Variants in PITPNC1 observed in about 807,000 individuals in gnomAD.
The protein encoded by PITPNC1 is phosphatidylinositol transfer protein cytoplasmic 1.
Under a neutral mutation model 44.7 loss-of-function variants are expected in PITPNC1, and 18 were observed. The observed-to-expected ratio is 0.40, with a 90% CI of 0.28 to 0.60. The LOEUF is 0.60. Ranked by LOEUF, PITPNC1 falls within the 20% of genes least tolerant of loss-of-function variation. PITPNC1 has a pLI of 0.39. For missense variants in PITPNC1, 290 were observed against 418.4 expected, an observed-to-expected ratio of 0.69 and a Z score of 2.68; for synonymous variants, 141 against 149.6, an observed-to-expected ratio of 0.94 and a Z score of 0.42.
intron 5 of PITPNC1, among the ~76,000 whole-genome samples, chr17:67,578,751 G>A (rs2041185382): frequency 6.6e-6 from 1 of 152,388 alleles, no homozygotes; most frequent in South Asian, 2.1e-4. Context: ...GGAGGCTGAG[G>A]CAGGCACATC....
rs2037901819 is a variant in PITPNC1, at chr17:67,378,284, G to A, written c.48+82G>A. 6.5e-6 allele frequency: 6 copies of A among 929,498 alleles called. No individual in the cohort carries two copies. The South Asian group carries it at 1.0e-4, about 16-fold the overall frequency. 57.6% of individuals were successfully genotyped at this position (929,498 alleles called of 1,614,324 possible). On this transcript the variant is annotated intron_variant, in intron 1 of 8. Transcript: ENST00000581322. ...GCCTCCTGGCCGGCGAGCCCCGGGC[G>A]AGCGGCAGGAAACCCAGGTGGACGT...
At chr17:67,665,395 T>C (rs1182178248) in intron 6 of PITPNC1, among the ~76,000 whole-genome samples, 1 of 152,114 alleles carries the variant, frequency 6.6e-6, no homozygotes, top group Admixed American at 6.6e-5. Context: ...ACCCAGCCCA[T>C]GTACATGTTT....
At chr17:67,531,349 G>A (rs1395975604) in intron 1 of PITPNC1, among the ~76,000 whole-genome samples, 1 of 152,220 alleles carries the variant, frequency 6.6e-6, no homozygotes, top group Non-Finnish European at 1.5e-5. Context: ...ACACACACAG[G>A]TACGTGCACA....
intron 4 of PITPNC1, among the ~76,000 whole-genome samples, chr17:67,560,619 G>A (rs978706210): frequency 6.6e-6 from 1 of 152,160 alleles, no homozygotes; most frequent in African/African-American, 2.4e-5. Context: ...CCCTTGTGTG[G>A]GACCAGAGCT....
chr17:67,696,644 G>A lies in PITPNC1; in HGVS notation c.*3756G>A, dbSNP rs1380334350. The stretch of plus-strand genomic sequence containing the variant: ...ACTATTTTAACTATTCATTCTTGCT[G>A]AAACTGAAGTGTACACAATAGCACA... On this transcript the variant is annotated 3_prime_UTR_variant, in exon 9 of 9. Transcript: ENST00000581322. 6.6e-6 allele frequency: 1 copy of A among 152,186 alleles called. No individual in the cohort carries two copies. The highest frequency in any genetic ancestry group is 1.5e-5 in the Non-Finnish European group (1 of 68,028). 9.4% of individuals were successfully genotyped at this position (152,186 alleles called of 1,614,324 possible).
chr17:67,517,849 C>T (rs895561484), intron 1 of PITPNC1, among the ~76,000 whole-genome samples: 3 of 151,978 alleles, frequency 2.0e-5, no homozygotes, highest in Non-Finnish European at 4.4e-5. Context: ...CACAACCTTG[C>T]AAATATACTA....
intron 1 of PITPNC1, among the ~76,000 whole-genome samples, chr17:67,444,387 A>C (rs1598670573): frequency 6.6e-6 from 1 of 152,052 alleles, no homozygotes; most frequent in Non-Finnish European, 1.5e-5. Context: ...TGTGTCCAAC[A>C]TGTGGTGAGC....
chr17:67,510,723 C>G (rs369586204), intron 1 of PITPNC1, among the ~76,000 whole-genome samples: 20 of 152,210 alleles, frequency 1.3e-4, no homozygotes, highest in African/African-American at 4.8e-4. Flanking sequence ...CTCAGCCTCC[C>G]TAGTAGCTGG....
chr17:67,652,429 G>A (rs1399502958), intron 6 of PITPNC1, among the ~76,000 whole-genome samples: 5 of 152,122 alleles, frequency 3.3e-5, no homozygotes, highest in African/African-American at 9.7e-5. Context: ...TAGAGTGGAC[G>A]CCTTCTAAAG....
rs546067748 is a variant in PITPNC1, at chr17:67,548,285, C to G, written c.198-3972C>G. Among the ~76,000 whole-genome samples the G allele has an allele frequency of 6.6e-5, 10 of 152,276 alleles. No individual in the cohort carries two copies. The South Asian group carries it at 2.1e-3, about 32-fold the overall frequency. On this transcript the variant is annotated intron_variant, in intron 2 of 8. Coordinates refer to ENST00000581322, the MANE Select transcript of PITPNC1 (RefSeq NM_012417.4). The stretch of plus-strand genomic sequence containing the variant: ...TGTCATTGATATGTTCTATTTTATA[C>G]CAACGTTTAAAAGTAAGAACCCGGG...
rs1319741550 is a variant in PITPNC1, at chr17:67,695,628, A to C, written c.*2740A>C. 1.4e-5 allele frequency: 2 copies of C among 145,490 alleles called. No individual in the cohort carries two copies. Among genetic ancestry groups the C allele is most frequent in the Non-Finnish European group, 3.0e-5 (2 of 66,332 alleles). The allele number at this position is 145,490 out of a possible 1,614,324, so 9.0% of individuals were successfully genotyped here. ...TGTGTATATATATATATATATATATATATAAATATAAATATAGTATAGTGA... is the reference window on the plus strand; with the variant it reads ...TGTGTATATATATATATATATATATCTATAAATATAAATATAGTATAGTGA... On this transcript the variant is annotated 3_prime_UTR_variant, in exon 9 of 9. Coordinates refer to ENST00000581322, the MANE Select transcript of PITPNC1 (RefSeq NM_012417.4).
rs116433471 is a variant in PITPNC1, at chr17:67,586,871, T to C, written c.366+8614T>C. 4.2e-3 allele frequency among the ~76,000 whole-genome samples: 633 copies of C among 152,228 alleles called. 2 individuals are homozygous for C. The highest frequency in any genetic ancestry group is 0.014 in the African/African-American group (588 of 41,532). ...GCAAGACTGGAAGCAGGGAGTCCAG[T>C]TGGTAGGCTATTGGAATGATCCAGA... On this transcript the variant is annotated intron_variant, in intron 5 of 8. Transcript: ENST00000581322.
At chr17:67,444,660 G>A (rs1170805816) in intron 1 of PITPNC1, among the ~76,000 whole-genome samples, 1 of 152,160 alleles carries the variant, frequency 6.6e-6, no homozygotes, top group African/African-American at 2.4e-5. Context: ...ACTTTGGGAA[G>A]TTGAGGCAGG....
intron 1 of PITPNC1, among the ~76,000 whole-genome samples, chr17:67,381,444 A>G (rs115374268): frequency 0.012 from 1,738 of 147,996 alleles, 29 homozygotes; most frequent in African/African-American, 0.041. Flanking sequence ...ACCTACATGG[A>G]ACTTCTGGAA....
chr17:67,446,767 C>T (rs2039102239), intron 1 of PITPNC1, among the ~76,000 whole-genome samples: 1 of 151,792 alleles, frequency 6.6e-6, no homozygotes, highest in Non-Finnish European at 1.5e-5. Context: ...ATGCACCTGA[C>T]AGCCATAACC....
intron 1 of PITPNC1, among the ~76,000 whole-genome samples, chr17:67,404,972 C>G (rs753262041): frequency 5.9e-5 from 9 of 152,144 alleles, no homozygotes; most frequent in Non-Finnish European, 1.2e-4. Context: ...TAGGGCCAGG[C>G]ACCGTCACTC....
At chr17:67,530,359 G>T (rs1960130234) in intron 1 of PITPNC1, among the ~76,000 whole-genome samples, 2 of 152,004 alleles carry the variant, frequency 1.3e-5, no homozygotes, top group South Asian at 4.2e-4. Flanking sequence ...CCAAAGTGCT[G>T]GGATTGCAGG....
intron 1 of PITPNC1, among the ~76,000 whole-genome samples, chr17:67,380,821 T>G (rs1462280264): frequency 1.3e-5 from 2 of 152,168 alleles, no homozygotes; most frequent in East Asian, 3.9e-4. Context: ...TCATCCAGGC[T>G]GGAGTGCAGT....
intron 7 of PITPNC1, among the ~76,000 whole-genome samples, chr17:67,673,773 A>AC (rs1165390776): frequency 2.6e-5 from 4 of 151,534 alleles, no homozygotes; most frequent in Non-Finnish European, 4.4e-5. Context: ...ACATGGTGAA[A>AC]CCCCGTCTCT....
Sources: allele counts gnomAD v4.1 joint callset (sites outside exome capture counted in the v4.1 genomes callset), GRCh38; gene constraint gnomAD v4.1.1; transcripts MANE v1.5; gene names NCBI Gene and HGNC (gene_info 2026-07-23, HGNC 2026-07-21).